SCN11A: variants seen among roughly 807,000 people sequenced by gnomAD.
The protein encoded by SCN11A is sodium channel protein type 11 subunit alpha.
A neutral mutation model predicts 162.2 loss-of-function variants in SCN11A; 122 were observed. The ratio of observed to expected loss-of-function variants is 0.75; its 90% CI spans 0.65 to 0.87. SCN11A has a LOEUF of 0.87. Among genes scored for constraint, SCN11A ranks in the 40% least tolerant of loss-of-function variants. SCN11A has a pLI of 0.00. For synonymous variants in SCN11A, 758 were observed against 751.5 expected (o/e 1.01, Z -0.14); for missense variants, 2,015 against 2,181.6 (o/e 0.92, Z 1.52).
At chr3:39,004,463 C>T (rs1253779594) in intron 2 of SCN11A, among the ~76,000 whole-genome samples, 1 of 152,160 alleles carries the variant, frequency 6.6e-6, no homozygotes. Context: ...GTGACACCTC[C>T]AGCTTTCTTC....
At chr3:38,931,679 T>C (rs2066242485) in intron 7 of SCN11A, among the ~76,000 whole-genome samples, 1 of 152,218 alleles carries the variant, frequency 6.6e-6, no homozygotes, top group African/African-American at 2.4e-5. Context: ...TTCCTGATGA[T>C]GTTGTATTCC....
chr3:38,917,922 A>C (rs2065985174), intron 11 of SCN11A, among the ~76,000 whole-genome samples: 1 of 152,238 alleles, frequency 6.6e-6, no homozygotes, highest in South Asian at 2.1e-4. Flanking sequence ...AAAAATACCC[A>C]AGTTTGACTG....
chr3:38,954,261 G>T (rs1055819624), intron 3 of SCN11A, among the ~76,000 whole-genome samples: 1 of 152,046 alleles, frequency 6.6e-6, no homozygotes. Context: ...AATGAAGTGG[G>T]CATATAATGA....
intron 1 of SCN11A, among the ~76,000 whole-genome samples, chr3:39,036,230 G>A (rs532643330): frequency 1.3e-5 from 2 of 152,052 alleles, no homozygotes; most frequent in African/African-American, 4.8e-5. Flanking sequence ...TGCAACCTCC[G>A]CCTCCCAGGT....
intron 1 of SCN11A, among the ~76,000 whole-genome samples, chr3:39,040,257 T>C (rs1371301380): frequency 2.6e-5 from 4 of 152,232 alleles, no homozygotes; most frequent in Non-Finnish European, 5.9e-5. Flanking sequence ...ACTACATAAC[T>C]GTTATTGCTT....
chr3:39,007,283 C>A (rs2031005304), intron 2 of SCN11A, among the ~76,000 whole-genome samples: 1 of 152,138 alleles, frequency 6.6e-6, no homozygotes, highest in Admixed American at 6.5e-5. Context: ...ATCTTCATCC[C>A]CTGTTCCTGG....
At chr3:38,950,063 ACCCCC>A in intron 5 of SCN11A, 28 bp downstream of exon 5, 104 of 62,348 alleles carry the variant, frequency 1.7e-3, no homozygotes, top group South Asian at 4.8e-3. Flanking sequence ...GAACACCCCC[ACCCCC>A]ACCCCCCCCC....
chr3:39,043,505 GA>G (rs1341499836), intron 1 of SCN11A, among the ~76,000 whole-genome samples: 1 of 137,128 alleles, frequency 7.3e-6, no homozygotes. Context: ...AAAAAACCCA[GA>G]ATCCTGTCAT....
intron 1 of SCN11A, among the ~76,000 whole-genome samples, chr3:39,038,811 GA>G (rs386396397): frequency 1.3e-5 from 2 of 152,094 alleles, no homozygotes; most frequent in South Asian, 2.1e-4. Context: ...AAAGGCTAAA[GA>G]AAAGTGAAAA....
chr3:39,044,850 A>G (rs1448537341), intron 1 of SCN11A, among the ~76,000 whole-genome samples: 3 of 152,130 alleles, frequency 2.0e-5, no homozygotes, highest in Non-Finnish European at 4.4e-5. Context: ...AATCGAGACA[A>G]AAAATACAAA....
At chr3:39,012,486 C>CTTTT (rs112265845) in intron 2 of SCN11A, among the ~76,000 whole-genome samples, 20 of 121,356 alleles carry the variant, frequency 1.6e-4, no homozygotes, top group Middle Eastern at 4.5e-3. Flanking sequence ...TTCTCTCTTT[C>CTTTT]TTTTTTTTTT....
chr3:38,902,676 C>A (rs1352466813), intron 16 of SCN11A, among the ~76,000 whole-genome samples: 1 of 152,074 alleles, frequency 6.6e-6, no homozygotes, highest in Non-Finnish European at 1.5e-5. Context: ...TGCCACCATG[C>A]CCGGCTAAAT....
At chr3:39,012,283 C>T (rs917511107) in intron 2 of SCN11A, among the ~76,000 whole-genome samples, 7 of 151,998 alleles carry the variant, frequency 4.6e-5, no homozygotes, top group East Asian at 3.9e-4. Flanking sequence ...CGAGATTACG[C>T]CATTGCACTC....
At chr3:39,007,642 A>T (rs1347886014) in intron 2 of SCN11A, among the ~76,000 whole-genome samples, 2 of 152,260 alleles carry the variant, frequency 1.3e-5, no homozygotes, top group Non-Finnish European at 2.9e-5. Context: ...TGGGGAATAC[A>T]TCATTGTGCC....
At chr3:39,044,877 T>G (rs569219110) in intron 1 of SCN11A, among the ~76,000 whole-genome samples, 1 of 150,894 alleles carries the variant, frequency 6.6e-6, no homozygotes, top group Non-Finnish European at 1.5e-5. Flanking sequence ...AAACAAAAAG[T>G]TTTTTGAAAA....
intron 17 of SCN11A, among the ~76,000 whole-genome samples, chr3:38,898,535 A>C: frequency 6.6e-6 from 1 of 152,224 alleles, no homozygotes; most frequent in East Asian, 1.9e-4. Context: ...GAATGATTAG[A>C]GTAATATGGC....
intron 9 of SCN11A, among the ~76,000 whole-genome samples, chr3:38,922,801 G>C (rs1257961921): frequency 6.6e-6 from 1 of 152,130 alleles, no homozygotes; most frequent in Non-Finnish European, 1.5e-5. Context: ...TACTGCTTCT[G>C]TTTGAAAGGA....
At chr3:39,030,279 G>C (rs2125610905) in intron 2 of SCN11A, among the ~76,000 whole-genome samples, 1 of 152,302 alleles carries the variant, frequency 6.6e-6, no homozygotes, top group Non-Finnish European at 1.5e-5. Flanking sequence ...ATCTAGGTTG[G>C]TGACAGAACC....
At chr3:38,990,469 G>A (rs1003132157) in intron 2 of SCN11A, among the ~76,000 whole-genome samples, 1 of 152,182 alleles carries the variant, frequency 6.6e-6, no homozygotes, top group Non-Finnish European at 1.5e-5. Context: ...TTGAGATAAT[G>A]TGAGGCAATA....
Sources: gnomAD v4.1 joint callset for allele counts (sites outside exome capture counted in the v4.1 genomes callset) on GRCh38, gnomAD v4.1.1 for gene constraint, MANE v1.5 for transcripts, NCBI Gene and HGNC (gene_info 2026-07-23, HGNC 2026-07-21) for gene names.